GRIK2: variants seen among roughly 807,000 people sequenced by gnomAD.
GRIK2 encodes glutamate receptor ionotropic, kainate 2.
Under a neutral mutation model 100.3 loss-of-function variants are expected in GRIK2, and 32 were observed. That is an observed-to-expected ratio of 0.32 (90% CI 0.24 to 0.43). The LOEUF is 0.43. Ranked by LOEUF, GRIK2 falls within the 20% of genes least tolerant of loss-of-function variation. GRIK2 has a pLI of 1.00. For missense variants in GRIK2, 843 were observed against 1,114.9 expected, an observed-to-expected ratio of 0.76 and a Z score of 3.47; for synonymous variants, 417 against 389.4, an observed-to-expected ratio of 1.07 and a Z score of -0.83.
chr6:101,534,990 T>C (rs1423991208), intron 2 of GRIK2, among the ~76,000 whole-genome samples: 1 of 151,756 alleles, frequency 6.6e-6, no homozygotes, highest in Non-Finnish European at 1.5e-5. Flanking sequence ...TAGTTTGACA[T>C]TATTTTGCTG....
At chr6:101,835,703 G>C (rs1173700669) in intron 10 of GRIK2, among the ~76,000 whole-genome samples, 1 of 147,706 alleles carries the variant, frequency 6.8e-6, no homozygotes, top group Non-Finnish European at 1.5e-5. Flanking sequence ...GATCTCAGGT[G>C]ATCCACCCGC....
intron 15 of GRIK2, among the ~76,000 whole-genome samples, chr6:102,036,640 T>C (rs1373895095): frequency 6.6e-6 from 1 of 151,192 alleles, no homozygotes; most frequent in Non-Finnish European, 1.5e-5. Flanking sequence ...ATATTATTTT[T>C]TGGTATTGAA....
intron 7 of GRIK2, among the ~76,000 whole-genome samples, chr6:101,757,035 A>G (rs974650741): frequency 6.6e-6 from 1 of 152,162 alleles, no homozygotes; most frequent in Non-Finnish European, 1.5e-5. Flanking sequence ...CTAGTGGTTG[A>G]GATTCACGTT....
chr6:101,939,605 C>T (rs1168997668), intron 14 of GRIK2, among the ~76,000 whole-genome samples: 2 of 152,090 alleles, frequency 1.3e-5, no homozygotes, highest in Admixed American at 6.6e-5. Flanking sequence ...AGATAAAGTA[C>T]ATCAGGAATC....
At chr6:101,681,683 A>G (rs1771268130) in intron 5 of GRIK2, among the ~76,000 whole-genome samples, 1 of 152,122 alleles carries the variant, frequency 6.6e-6, no homozygotes, top group Admixed American at 6.5e-5. Flanking sequence ...ATTAATTTCT[A>G]TATGCAGAAT....
intron 11 of GRIK2, among the ~76,000 whole-genome samples, chr6:101,886,309 G>T (rs1201517346): frequency 1.3e-5 from 2 of 151,882 alleles, no homozygotes; most frequent in South Asian, 2.1e-4. Flanking sequence ...CTATTCCATT[G>T]TATGGATGTA....
intron 7 of GRIK2, among the ~76,000 whole-genome samples, chr6:101,712,144 A>C (rs574396689): frequency 6.6e-6 from 1 of 151,960 alleles, no homozygotes; most frequent in African/African-American, 2.4e-5. Flanking sequence ...GGAACCAATC[A>C]TAGAAAATTT....
chr6:101,941,802 C>A (rs1790970236), intron 14 of GRIK2, among the ~76,000 whole-genome samples: 1 of 151,940 alleles, frequency 6.6e-6, no homozygotes, highest in Admixed American at 6.6e-5. Flanking sequence ...AGCTTTCTAA[C>A]AATAGGAAAA....
intron 4 of GRIK2, among the ~76,000 whole-genome samples, chr6:101,640,017 C>T (rs1055488917): frequency 1.3e-5 from 2 of 152,144 alleles, no homozygotes; most frequent in Non-Finnish European, 2.9e-5. Flanking sequence ...GATTATTTTA[C>T]TATTCATAAA....
At chr6:101,822,392 T>A (rs1288997550) in intron 10 of GRIK2, among the ~76,000 whole-genome samples, 2 of 151,786 alleles carry the variant, frequency 1.3e-5, no homozygotes, top group East Asian at 1.9e-4. Flanking sequence ...CAGCTGAGAC[T>A]GAGAGTTTGA....
intron 14 of GRIK2, among the ~76,000 whole-genome samples, chr6:101,977,154 G>A (rs1268033774): frequency 6.6e-6 from 1 of 151,050 alleles, no homozygotes; most frequent in Non-Finnish European, 1.5e-5. Context: ...ATAGGAGAGG[G>A]ATTTATTATT....
chr6:101,816,378 G>A (rs1309319624), intron 9 of GRIK2, among the ~76,000 whole-genome samples: 1 of 149,364 alleles, frequency 6.7e-6, no homozygotes, highest in African/African-American at 2.5e-5. Flanking sequence ...ATTTGCAAAT[G>A]ATTTTAAATT....
intron 7 of GRIK2, among the ~76,000 whole-genome samples, chr6:101,753,946 T>C (rs901932204): frequency 2.0e-5 from 3 of 152,112 alleles, no homozygotes; most frequent in African/African-American, 7.2e-5. Flanking sequence ...TTTTAATTAA[T>C]GTTTTTGAAT....
chr6:101,903,215 G>T (rs529324981), intron 12 of GRIK2, among the ~76,000 whole-genome samples: 48 of 151,934 alleles, frequency 3.2e-4, no homozygotes, highest in Admixed American at 9.2e-4. Context: ...TGCAAGAGAG[G>T]CTGCAGAAAT....
chr6:101,924,090 A>G (rs1789733671), intron 12 of GRIK2, among the ~76,000 whole-genome samples: 1 of 152,074 alleles, frequency 6.6e-6, no homozygotes, highest in South Asian at 2.1e-4. Context: ...AAATATGTAA[A>G]TTCATAGAAT....
chr6:101,926,234 C>G (rs1582550418), intron 13 of GRIK2, among the ~76,000 whole-genome samples: 1 of 129,298 alleles, frequency 7.7e-6, no homozygotes, highest in East Asian at 2.2e-4. Context: ...TAGGCTTACT[C>G]TACCCTTAGA....
chr6:101,632,015 C>A (rs1265253736), intron 4 of GRIK2, among the ~76,000 whole-genome samples: 1 of 152,054 alleles, frequency 6.6e-6, no homozygotes, highest in Non-Finnish European at 1.5e-5. Flanking sequence ...CCAGTAGACA[C>A]CTTTTAGTTG....
intron 2 of GRIK2, among the ~76,000 whole-genome samples, chr6:101,579,962 T>C (rs1427780665): frequency 6.6e-6 from 1 of 152,132 alleles, no homozygotes; most frequent in Non-Finnish European, 1.5e-5. Context: ...ACTTTATGAC[T>C]ACTTCTTCTC....
intron 14 of GRIK2, among the ~76,000 whole-genome samples, chr6:102,018,971 T>G (rs1769282873): frequency 6.6e-6 from 1 of 152,102 alleles, no homozygotes; most frequent in Admixed American, 6.6e-5. Flanking sequence ...AAATTATTTT[T>G]TTCTGCGAAG....
Sources: allele counts gnomAD v4.1 joint callset (sites outside exome capture counted in the v4.1 genomes callset), GRCh38; gene constraint gnomAD v4.1.1; transcripts MANE v1.5; gene names NCBI Gene and HGNC (gene_info 2026-07-23, HGNC 2026-07-21).